The following UBA1 variants were observed in gnomAD, a reference collection of about 807,000 sequenced individuals.
The protein encoded by UBA1 is ubiquitin-like modifier-activating enzyme 1.
Under a neutral mutation model 84.7 loss-of-function variants are expected in UBA1, and 4 were observed. The observed-to-expected ratio is 0.05, with a 90% CI of 0.02 to 0.11. The LOEUF is 0.11. UBA1 is among the 10% of genes least tolerant of loss of function. The pLI, the probability that UBA1 is intolerant of heterozygous loss-of-function variation, is 1.00. For synonymous variants in UBA1, 364 were observed against 362.6 expected (o/e 1.00, Z -0.04); for missense variants, 513 against 902.8 (o/e 0.57, Z 5.53).
upstream of UBA1, chrX:47,191,667 C>T (rs1285388466): frequency 1.8e-5 from 2 of 112,062 alleles, no homozygotes; most frequent in African/African-American, 3.2e-5. Context: ...ATCAGCGTGC[C>T]GAAGGGACGT....
rs782796398 is a variant in UBA1, at chrX:47,199,285, G to A, written c.253G>A (p.Val85Met). 109 of 1,210,654 alleles carry A rather than the reference G, an allele frequency of 9.0e-5. No homozygotes were observed. The highest frequency in any genetic ancestry group is 1.2e-4 in the Non-Finnish European group (103 of 895,244). The stretch of plus-strand genomic sequence containing the variant: ...GGTATCAGGCCTGCGGGGCCTGGGC[G>A]TGGAGATCGCTAAGAACATCATCCT... ...VLVSGLRGLG[V>M]EIAKNIILGG... The change falls in exon 4 of 26, where the codon GTG becomes ATG. Residue 85 changes from valine (V) to methionine (M), a missense_variant. Coordinates refer to ENST00000335972, the MANE Select transcript of UBA1 (RefSeq NM_003334.4).
At chrX:47,196,625 C>T (rs1569206225) in intron 1 of UBA1, among the ~76,000 whole-genome samples, 1 of 111,152 alleles carries the variant, frequency 9.0e-6, no homozygotes, top group Non-Finnish European at 1.9e-5. Flanking sequence ...AGTTTCTGTC[C>T]CAGACTCCTG....
intron 5 of UBA1, 139 bp from the exon 6 acceptor site, chrX:47,200,755 G>A: frequency 2.0e-6 from 1 of 497,901 alleles, no homozygotes; most frequent in Non-Finnish European, 3.6e-6. Flanking sequence ...TACACAGTAG[G>A]TGCTATGTGT....
chrX:47,204,139 G>GTTTTTTTTTTTTTTTTTTTTTTT (rs55829376), intron 14 of UBA1, among the ~76,000 whole-genome samples: 1 of 16,881 alleles, frequency 5.9e-5, no homozygotes, highest in Admixed American at 1.1e-3. Flanking sequence ...CTCAGCTTCT[G>GTTTTTTTTTTTTTTTTTTTTTTT]TTTTTTTTTT....
chrX:47,209,884 G>T, intron 17 of UBA1, 44 bp from the exon 18 acceptor site: 1 of 1,194,203 alleles, frequency 8.4e-7, no homozygotes, highest in East Asian at 3.0e-5. Context: ...CACTCTTGAG[G>T]CTGACATGTA....
chrX:47,198,737 C>T, intron 1 of UBA1, 66 bp from the exon 2 acceptor site: 3 of 1,050,974 alleles, frequency 2.9e-6, no homozygotes, highest in Non-Finnish European at 4.0e-6. Context: ...CCCACAGTTG[C>T]TACTAACAAA....
chrX:47,207,598 G>C (rs947119826), intron 16 of UBA1, among the ~76,000 whole-genome samples: 26 of 111,065 alleles, frequency 2.3e-4, no homozygotes, highest in African/African-American at 7.9e-4. Flanking sequence ...TGTGCTGTCA[G>C]AATAATTCTT....
At chrX:47,191,567 G>A (rs1936063713), upstream of UBA1, 1 of 111,872 alleles carries the variant, frequency 8.9e-6, no homozygotes, top group African/African-American at 3.3e-5. Flanking sequence ...TTCATAATAA[G>A]GTGGGGCTGT....
intron 14 of UBA1, among the ~76,000 whole-genome samples, chrX:47,204,265 A>G (rs1477947500): frequency 1.9e-5 from 2 of 105,253 alleles, no homozygotes; most frequent in African/African-American, 7.0e-5. Context: ...AGGACTCAGC[A>G]TATAGTCGTG....
chrX:47,202,605 C>T (rs1556788718), intron 10 of UBA1, 33 bp from the exon 11 acceptor site: 1 of 1,209,925 alleles, frequency 8.3e-7, no homozygotes, highest in African/African-American at 1.7e-5. Context: ...TGTGGCCTGA[C>T]ATATCCTCTC....
chrX:47,209,586 A>C (rs782813902), intron 16 of UBA1, 37 bp from the exon 17 acceptor site: 1 of 1,192,839 alleles, frequency 8.4e-7, no homozygotes, highest in Non-Finnish European at 1.1e-6. Context: ...CATTTTGTCA[A>C]CTGTGGCCAC....
intron 13 of UBA1, 88 bp downstream of exon 13, chrX:47,203,302 G>T: frequency 9.7e-7 from 1 of 1,027,350 alleles, no homozygotes; most frequent in Non-Finnish European, 1.4e-6. Flanking sequence ...AATGCAACCG[G>T]TGGCGCATTC....
rs138450508 is a variant in UBA1, at chrX:47,210,892, C to T, written c.2250C>T (p.His750=). Residue 750 remains histidine, a synonymous_variant, in exon 19 of 26, where the codon CAC becomes CAT. Transcript: ENST00000335972. ...GGTCTGGGCCCAAACGCTGTCCACA[C>T]CCGCTCACCTTTGATGTCAACAATG... is the stretch of plus-strand genomic sequence containing the variant. ...PFWSGPKRCP[H]PLTFDVNNPL... 5.0e-6 allele frequency: 6 copies of T among 1,209,497 alleles called. No homozygotes were observed. In the African/African-American group the frequency reaches 1.1e-4, roughly 21 times the overall value.
upstream of UBA1, among the ~76,000 whole-genome samples, chrX:47,193,459 G>T (rs1416371494): frequency 3.6e-5 from 4 of 111,755 alleles, no homozygotes; most frequent in East Asian, 2.8e-4. Context: ...TTCATGAATG[G>T]GGGTGTGTGG....
upstream of UBA1, among the ~76,000 whole-genome samples, chrX:47,191,150 G>A (rs1169678009): frequency 1.8e-5 from 2 of 111,660 alleles, no homozygotes; most frequent in Non-Finnish European, 3.8e-5. Flanking sequence ...GTCTGTTTCG[G>A]GGAGCACCCC....
At chrX:47,197,650 G>C in intron 1 of UBA1, 1 of 748,927 alleles carries the variant, frequency 1.3e-6, no homozygotes, top group Non-Finnish European at 1.6e-6. Flanking sequence ...CTGGGACCTA[G>C]CAGGTGACCC....
At chrX:47,196,869 A>G (rs1936222021) in intron 1 of UBA1, among the ~76,000 whole-genome samples, 1 of 111,998 alleles carries the variant, frequency 8.9e-6, no homozygotes, top group Non-Finnish European at 1.9e-5. Flanking sequence ...AGAGGCCACT[A>G]CACGTGCCCA....
intron 14 of UBA1, among the ~76,000 whole-genome samples, chrX:47,204,203 T>G (rs1936561383): frequency 1.1e-5 from 1 of 93,204 alleles, no homozygotes; most frequent in Non-Finnish European, 2.1e-5. Context: ...TGGGACAGTG[T>G]GTCTGGGGTC....
chrX:47,202,205 C>T lies in UBA1; in HGVS notation c.861C>T (p.Ile287=). ...ICDTSNFSDY[I]RGGIVSQVKV... ...ACACCTCCAACTTCTCCGACTACAT[C>T]CGTGGAGGCATCGTCAGTCAGGTCA... The change falls in exon 9 of 26, where the codon ATC becomes ATT. Residue 287 remains isoleucine (I), a synonymous_variant. Coordinates refer to ENST00000335972, the MANE Select transcript of UBA1 (RefSeq NM_003334.4). 8.3e-7 allele frequency: 1 copy of T among 1,210,654 alleles called. No homozygotes were observed. The highest frequency in any genetic ancestry group is 1.1e-6 in the Non-Finnish European group (1 of 894,922).
Sources: allele counts gnomAD v4.1 joint callset (sites outside exome capture counted in the v4.1 genomes callset), GRCh38; gene constraint gnomAD v4.1.1; transcripts MANE v1.5; gene names NCBI Gene and HGNC (gene_info 2026-07-23, HGNC 2026-07-21).